The following FERMT1 variants were observed in gnomAD, a reference collection of about 807,000 sequenced individuals.
FERMT1 encodes the protein fermitin family homolog 1.
In FERMT1, 60 loss-of-function variants were observed where a neutral mutation model predicts 85.3. The observed-to-expected ratio is 0.70, with a 90% CI of 0.57 to 0.87. FERMT1 has a LOEUF of 0.87. Ranked by LOEUF, FERMT1 falls within the 40% of genes least tolerant of loss-of-function variation. The pLI, the probability that FERMT1 is intolerant of heterozygous loss-of-function variation, is 0.00. For synonymous variants in FERMT1, 275 were observed against 301.1 expected (o/e 0.91, Z 0.90); for missense variants, 701 against 818.9 (o/e 0.86, Z 1.76).
intron 13 of FERMT1, 123 bp from the exon 14 acceptor site, chr20:6,079,700 G>A (rs1403585794): frequency 1.0e-6 from 1 of 996,426 alleles, no homozygotes; most frequent in East Asian, 2.6e-5. Context: ...AATGGACAAT[G>A]AAGAATTAAC....
chr20:6,116,029 C>A lies in FERMT1; in HGVS notation c.167G>T (p.Trp56Leu). Residue 56 changes from tryptophan to leucine, a missense_variant, in exon 3 of 15, where the codon TGG (tryptophan) becomes TTG (leucine). Physicochemically the swap from Trp to Leu is moderately conservative, Grantham distance 61 (BLOSUM62 -2). Transcript: ENST00000217289. ...TTCCCACCAAAGAGCAAAGTCTGAC[C>A]AGTCTTGGGATATATCTGCAAAAAT... is the stretch of plus-strand genomic sequence containing the variant. ...LVEQINISQDWSDFALWWEQK... is the reference protein window; with the variant it reads ...LVEQINISQDLSDFALWWEQK... The A allele has an allele frequency of 6.2e-7, 1 of 1,613,714 alleles. No homozygotes were observed. The highest frequency in any genetic ancestry group is 1.3e-5 in the African/African-American group (1 of 74,978).
chr20:6,100,877 A>C (rs1304566926), intron 6 of FERMT1, among the ~76,000 whole-genome samples: 1 of 152,186 alleles, frequency 6.6e-6, no homozygotes, highest in African/African-American at 2.4e-5. Context: ...ATAATTAAAA[A>C]AGTTTGTAAT....
intron 9 of FERMT1, among the ~76,000 whole-genome samples, chr20:6,092,831 C>T (rs950909459): frequency 1.3e-5 from 2 of 152,156 alleles, no homozygotes; most frequent in Non-Finnish European, 2.9e-5. Context: ...CCATGACAAC[C>T]TGTCTCTATT....
rs117272459 is a variant in FERMT1 at position 6,104,435 on chromosome 20, T to G, written c.849+3097A>C. Among the ~76,000 whole-genome samples the G allele has an allele frequency of 6.6e-6, 1 of 152,250 alleles. No individual in the cohort carries two copies. The highest frequency in any genetic ancestry group is 1.5e-5 in the Non-Finnish European group (1 of 68,012). On this transcript the variant is annotated intron_variant, in intron 6 of 14. Coordinates refer to ENST00000217289, the MANE Select transcript of FERMT1 (RefSeq NM_017671.5). This position sits in a 1 kb window ranked among gnomAD's most constrained non-coding sequence, Gnocchi z 4.2. ...ATCTAAAATTTCTATATCCCTCTATTTATGCAGCACAGAGTAGGAGTCTTA... is the reference window on the plus strand; with the variant it reads ...ATCTAAAATTTCTATATCCCTCTATGTATGCAGCACAGAGTAGGAGTCTTA...
Position 6,096,925 on chromosome 20 carries a change from C to G in FERMT1, c.1066G>C (p.Gly356Arg). Residue 356 changes from glycine to arginine, a missense_variant, in exon 8 of 15, where the codon GGT becomes CGT. Gly to Arg is a moderately radical substitution (Grantham distance 125, BLOSUM62 -2). Coordinates refer to ENST00000217289, the MANE Select transcript of FERMT1 (RefSeq NM_017671.5). ...ACCAAAAGGCTGTCCGCTTTTCCAC[C>G]TTCTAGGGTTACTTCCAAATTAGAA... ...ALSNLEVTLE[G>R]GKADSLLEDI... 1 of 1,613,650 alleles carries G rather than the reference C, an allele frequency of 6.2e-7. No individual in the cohort carries two copies. The highest frequency in any genetic ancestry group is 2.2e-5 in the East Asian group (1 of 44,856).
intron 4 of FERMT1, 31 bp from the exon 5 acceptor site, chr20:6,110,542 A>G (rs1204232952): frequency 1.3e-6 from 2 of 1,486,984 alleles, no homozygotes; most frequent in South Asian, 2.3e-5. Flanking sequence ...GAACTATGAT[A>G]TGAGAATCCA....
chr20:6,102,640 G>C (rs1235766445), intron 6 of FERMT1, among the ~76,000 whole-genome samples: 1 of 132,592 alleles, frequency 7.5e-6, no homozygotes, highest in East Asian at 2.5e-4. Context: ...TCGTGCCACT[G>C]TACCCCAGCC....
chr20:6,097,262 C>T (rs372466204), intron 7 of FERMT1, among the ~76,000 whole-genome samples: 46 of 152,154 alleles, frequency 3.0e-4, no homozygotes, highest in African/African-American at 9.4e-4. Flanking sequence ...ATTGTGCTCA[C>T]AGTAGGGAAG....
chr20:6,076,988 T>G lies in FERMT1; in HGVS notation c.*185A>C, dbSNP rs1600420748. On this transcript the variant is annotated 3_prime_UTR_variant, in exon 15 of 15. Transcript: ENST00000217289. ...CAAGAGAGGCTCCTTCCGTGGCTGG[T>G]AGCACAGGGCAAAGTAAGGAAAGGG... is the stretch of plus-strand genomic sequence containing the variant. The G allele has an allele frequency of 1.5e-6, 1 of 645,484 alleles. No individual in the cohort carries two copies. 40.0% of individuals were successfully genotyped at this position (645,484 alleles called of 1,614,324 possible).
At chr20:6,085,337 C>A in intron 11 of FERMT1, 50 bp from the exon 12 acceptor site, 2 of 1,519,940 alleles carry the variant, frequency 1.3e-6, no homozygotes, top group South Asian at 2.2e-5. Context: ...AAGCCCCCTG[C>A]TGCACACAGA....
intron 2 of FERMT1, 73 bp downstream of exon 2, chr20:6,119,331 A>G: frequency 7.0e-7 from 1 of 1,427,962 alleles, no homozygotes. Flanking sequence ...AGAAAAACCT[A>G]CACCAGCCAT....
intron 4 of FERMT1, among the ~76,000 whole-genome samples, chr20:6,110,877 G>T (rs1982929195): frequency 6.6e-6 from 1 of 152,208 alleles, no homozygotes; most frequent in Non-Finnish European, 1.5e-5. Flanking sequence ...AAAAGCCTTG[G>T]AACTCAAATA....
chr20:6,084,248 A>C, intron 12 of FERMT1, 84 bp from the exon 13 acceptor site: 1 of 1,458,298 alleles, frequency 6.9e-7, no homozygotes, highest in Non-Finnish European at 9.4e-7. Context: ...CCCCATAAGA[A>C]CAATACACTC....
At chr20:6,091,440 G>A (rs1248819943) in intron 9 of FERMT1, among the ~76,000 whole-genome samples, 5 of 151,846 alleles carry the variant, frequency 3.3e-5, no homozygotes, top group African/African-American at 1.2e-4. Context: ...ATGTTGGCTA[G>A]ACTGGTCTTG....
chr20:6,088,989 G>T lies in FERMT1; in HGVS notation c.1240C>A (p.Pro414Thr). 1 of 1,612,104 alleles carries T rather than the reference G, an allele frequency of 6.2e-7. No individual in the cohort carries two copies. Among genetic ancestry groups the T allele is most frequent in the Non-Finnish European group, 8.5e-7 (1 of 1,178,550 alleles). Reference protein sequence around the residue: ...FKNKELEQGEPLEKLNLRGCE... With the variant: ...FKNKELEQGETLEKLNLRGCE... Reference sequence around the variant, plus strand: ...CCTCTAAGATTTAGTTTTTCTAGTGGTTCTCCTTGTTCAAGTTCCTTATTT... The same window carrying T: ...CCTCTAAGATTTAGTTTTTCTAGTGTTTCTCCTTGTTCAAGTTCCTTATTT... The change falls in exon 10 of 15, where the codon CCA (proline) becomes ACA (threonine). Residue 414 changes from proline (P) to threonine (T), a missense_variant. Physicochemically the swap from Pro to Thr is conservative, Grantham distance 38 (BLOSUM62 -1). Coordinates refer to ENST00000217289, the MANE Select transcript of FERMT1 (RefSeq NM_017671.5).
At chr20:6,119,267 C>T in intron 2 of FERMT1, 137 bp downstream of exon 2, 2 of 933,156 alleles carry the variant, frequency 2.1e-6, no homozygotes, top group South Asian at 1.4e-5. Flanking sequence ...TCTTTCTCTC[C>T]TCTGGGATGA....
At chr20:6,114,268 C>T (rs933279968) in intron 3 of FERMT1, among the ~76,000 whole-genome samples, 6 of 152,186 alleles carry the variant, frequency 3.9e-5, no homozygotes, top group African/African-American at 1.4e-4. Flanking sequence ...GAAACAGAAA[C>T]ACCTGTATCT....
At chr20:6,083,492 A>G (rs1982057373) in intron 13 of FERMT1, among the ~76,000 whole-genome samples, 1 of 151,990 alleles carries the variant, frequency 6.6e-6, no homozygotes, top group African/African-American at 2.4e-5. Context: ...GCAAAGCCAC[A>G]CCACGAGACA....
intron 14 of FERMT1, among the ~76,000 whole-genome samples, chr20:6,078,809 C>T (rs1981912235): frequency 1.3e-5 from 2 of 152,144 alleles, no homozygotes; most frequent in Admixed American, 6.5e-5. Flanking sequence ...CTAACTTCAT[C>T]TGGAATTTTC....
Sources: allele counts gnomAD v4.1 joint callset (sites outside exome capture counted in the v4.1 genomes callset), GRCh38; gene constraint gnomAD v4.1.1; non-coding constraint Gnocchi (gnomAD v3.1); transcripts MANE v1.5; gene names NCBI Gene and HGNC (gene_info 2026-07-23, HGNC 2026-07-21).